Variants in ANGPT4 observed in about 807,000 individuals in gnomAD.
ANGPT4 encodes angiopoietin-4.
In ANGPT4, 50 loss-of-function variants were observed where a neutral mutation model predicts 53.0. That is an observed-to-expected ratio of 0.94 (90% CI 0.75 to 1.20). The LOEUF is 1.20. Among genes scored for constraint, ANGPT4 ranks in the 50% most tolerant of loss-of-function variants. The probability of loss-of-function intolerance (pLI) is 0.00; values close to 1 mark genes in which losing one functional copy is unlikely to be tolerated. For synonymous variants in ANGPT4, 251 were observed against 259.7 expected (o/e 0.97, Z 0.32); for missense variants, 648 against 637.1 (o/e 1.02, Z -0.18).
intron 3 of ANGPT4, 145 bp from the exon 4 acceptor site, chr20:885,470 T>C (rs535031859): frequency 1.5e-5 from 18 of 1,225,362 alleles, no homozygotes; most frequent in Admixed American, 3.1e-5. Flanking sequence ...TAGGCACAGA[T>C]TGAGGAGGGG....
At chr20:880,991 G>T (rs961238211) in intron 5 of ANGPT4, among the ~76,000 whole-genome samples, 180 bp downstream of exon 5, 2 of 152,186 alleles carry the variant, frequency 1.3e-5, no homozygotes, top group Non-Finnish European at 2.9e-5. Flanking sequence ...TCCAACTTTG[G>T]GAACTTCTGC....
At chr20:879,084 G>T (rs1981287604) in intron 6 of ANGPT4, among the ~76,000 whole-genome samples, 1 of 152,188 alleles carries the variant, frequency 6.6e-6, no homozygotes, top group South Asian at 2.1e-4. Context: ...GTTGTTTAAA[G>T]CCCAATTAGT....
chr20:887,097 C>G (rs1175448176), intron 3 of ANGPT4, among the ~76,000 whole-genome samples: 1 of 152,146 alleles, frequency 6.6e-6, no homozygotes, highest in East Asian at 1.9e-4. Context: ...AGAGACAGGG[C>G]TGGGAGGGAG....
intron 1 of ANGPT4, among the ~76,000 whole-genome samples, chr20:904,440 G>A (rs934565853): frequency 1.3e-5 from 2 of 152,168 alleles, no homozygotes; most frequent in Admixed American, 6.5e-5. Flanking sequence ...CCATCTATGG[G>A]CCTCCATTGT....
intron 1 of ANGPT4, among the ~76,000 whole-genome samples, chr20:913,921 G>A (rs576145711): frequency 2.4e-4 from 36 of 152,294 alleles, no homozygotes; most frequent in African/African-American, 8.2e-4. Flanking sequence ...GAAGAGCAGG[G>A]AGTCGTCTCA....
In ANGPT4 at chr20:915,947, G is replaced by T. The variant is rs139001653; in HGVS notation, c.268C>A (p.Leu90Met). The part of the protein sequence containing the change: ...GKLPTQQVKQ[L>M]EQALQNNTQW... ...GTGTTGTTCTGCAGTGCCTGCTCCA[G>T]CTGTTTCACCTGCTGGGTGGGCAAC... Residue 90 changes from leucine to methionine, a missense_variant, in exon 1 of 9, where the codon CTG becomes ATG. Physicochemically the swap from Leu to Met is conservative, Grantham distance 15. Coordinates refer to ENST00000381922, the MANE Select transcript of ANGPT4 (RefSeq NM_015985.4). 9.0e-5 allele frequency: 144 copies of T among 1,605,382 alleles called. No individual in the cohort carries two copies. The highest frequency in any genetic ancestry group is 1.1e-4 in the Non-Finnish European group (130 of 1,174,054).
At chr20:887,731 G>A (rs749049373) in intron 3 of ANGPT4, among the ~76,000 whole-genome samples, 2 of 151,106 alleles carry the variant, frequency 1.3e-5, no homozygotes, top group Admixed American at 1.3e-4. Flanking sequence ...ACAAGAACCT[G>A]GTAACTGTGG....
At position 885,121 on chromosome 20, in the gene ANGPT4, C is replaced by A. The variant is rs773059233; in HGVS notation, c.792G>T (p.Leu264Phe). 1.1e-5 allele frequency: 17 copies of A among 1,613,312 alleles called. No individual in the cohort carries two copies. Among genetic ancestry groups the A allele is most frequent in the Middle Eastern group, 3.3e-4 (2 of 6,068 alleles). The change falls in exon 4 of 9, where the codon TTG becomes TTT. Residue 264 changes from leucine (L) to phenylalanine (F), a missense_variant. Leu to Phe is a conservative substitution (Grantham distance 22, BLOSUM62 0). Coordinates refer to ENST00000381922, the MANE Select transcript of ANGPT4 (RefSeq NM_015985.4). ...CCCTTTCTTGCACCAGGTGCCGCAA[C>A]AACACCAGCAGCTGGCGCAGGCTGT... ...QQHSLRQLLV[L>F]LRHLVQERAN...
intron 1 of ANGPT4, among the ~76,000 whole-genome samples, chr20:905,315 T>A (rs1292854930): frequency 1.3e-5 from 2 of 152,112 alleles, no homozygotes; most frequent in East Asian, 1.9e-4. Flanking sequence ...CATGAGCACA[T>A]CCTCTATGCC....
At chr20:893,831 A>G (rs1981940091) in intron 1 of ANGPT4, among the ~76,000 whole-genome samples, 1 of 152,090 alleles carries the variant, frequency 6.6e-6, no homozygotes, top group South Asian at 2.1e-4. Context: ...GCCACACTCA[A>G]CCCACTAGTA....
At chr20:876,209 A>G (rs1451526717) in intron 7 of ANGPT4, among the ~76,000 whole-genome samples, 1 of 150,728 alleles carries the variant, frequency 6.6e-6, no homozygotes, top group African/African-American at 2.4e-5. Context: ...AGATGTGGCC[A>G]GGGCAGCTCA....
chr20:912,191 A>G (rs948598240), intron 1 of ANGPT4, among the ~76,000 whole-genome samples: 1 of 152,170 alleles, frequency 6.6e-6, no homozygotes. Context: ...CTTGGATGGG[A>G]CACCTGGGGC....
chr20:875,740 G>A (rs948461393), intron 7 of ANGPT4, among the ~76,000 whole-genome samples: 1 of 152,184 alleles, frequency 6.6e-6, no homozygotes, highest in East Asian at 1.9e-4. Context: ...CAGATGGCTG[G>A]GCCTGGTTGG....
intron 1 of ANGPT4, among the ~76,000 whole-genome samples, chr20:897,291 C>T (rs1470941178): frequency 6.6e-6 from 1 of 152,200 alleles, no homozygotes; most frequent in East Asian, 1.9e-4. Flanking sequence ...TGTCCTTGCC[C>T]TCATTCCATG....
intron 1 of ANGPT4, among the ~76,000 whole-genome samples, chr20:913,169 A>G (rs955272255): frequency 6.6e-6 from 1 of 152,130 alleles, no homozygotes; most frequent in Non-Finnish European, 1.5e-5. Flanking sequence ...CCATTAGATG[A>G]GTATTTTAAA....
In ANGPT4 at chr20:914,868, G is replaced by C. The variant is rs1982859585; in HGVS notation, c.309+1038C>G. Among the ~76,000 whole-genome samples, 3 of 152,266 alleles carry C rather than the reference G, an allele frequency of 2.0e-5. No homozygotes were observed. The highest frequency in any genetic ancestry group is 7.2e-5 in the African/African-American group (3 of 41,546). The stretch of plus-strand genomic sequence containing the variant: ...ACAATAGGTGCTCACACTGCTGAAA[G>C]ACGAAAGCATGACAGGGCATTCTAC... On this transcript the variant is annotated intron_variant, in intron 1 of 8. Coordinates refer to ENST00000381922, the MANE Select transcript of ANGPT4 (RefSeq NM_015985.4). This position sits in a 1 kb window ranked among gnomAD's most constrained non-coding sequence, Gnocchi z 5.0.
At position 870,331 on chromosome 20, in the gene ANGPT4, C is replaced by T. The variant is rs939357619; in HGVS notation, c.*2629G>A. On this transcript the variant is annotated 3_prime_UTR_variant, in exon 9 of 9. Coordinates refer to ENST00000381922, the MANE Select transcript of ANGPT4 (RefSeq NM_015985.4). Reference sequence around the variant, plus strand: ...ATCACATGAGGCCAGGAGTTTGAGACCAGCCTGGCCAACATGGTGAAAACC... The same window carrying T: ...ATCACATGAGGCCAGGAGTTTGAGATCAGCCTGGCCAACATGGTGAAAACC... 1.3e-5 allele frequency: 2 copies of T among 152,068 alleles called. No homozygotes were observed. The highest frequency in any genetic ancestry group is 2.9e-5 in the Non-Finnish European group (2 of 68,012). 9.4% of individuals were successfully genotyped at this position (152,068 alleles called of 1,614,324 possible).
rs1477976029 is a variant in ANGPT4 at position 890,344 on chromosome 20, A to G, written c.334T>C (p.Leu112=). ...TGGACCTGCTCCAGCTTCGACCTCA[A>G]GATCGTCTTGATGGCCCTCTCTAGC... ...KKLERAIKTI[L]RSKLEQVQQQ... Residue 112 remains leucine (L), a synonymous_variant, in exon 2 of 9, where the codon TTG becomes CTG. Transcript: ENST00000381922. The G allele has an allele frequency of 6.2e-7, 1 of 1,608,988 alleles. No homozygotes were observed. The highest frequency in any genetic ancestry group is 1.1e-5 in the South Asian group (1 of 90,970).
At chr20:883,827 C>G (rs1353586383) in intron 4 of ANGPT4, among the ~76,000 whole-genome samples, 1 of 152,214 alleles carries the variant, frequency 6.6e-6, no homozygotes, top group Non-Finnish European at 1.5e-5. Flanking sequence ...TCAGGCAGCT[C>G]AAGGCCAGGT....
Sources: allele counts gnomAD v4.1 joint callset (sites outside exome capture counted in the v4.1 genomes callset), GRCh38; gene constraint gnomAD v4.1.1; non-coding constraint Gnocchi (gnomAD v3.1); transcripts MANE v1.5; gene names NCBI Gene and HGNC (gene_info 2026-07-23, HGNC 2026-07-21).